ABCC4: variants seen among roughly 807,000 people sequenced by gnomAD.
ABCC4 encodes ATP binding cassette subfamily C member 4 (PEL blood group), also known as ATP-binding cassette sub-family C member 4.
ABCC4 carries 102 observed loss-of-function variants against 168.5 expected under a neutral mutation model. That is an observed-to-expected ratio of 0.61 (90% CI 0.52 to 0.71). The LOEUF (loss-of-function observed/expected upper bound fraction) is 0.71, where lower values mean the gene tolerates loss of function less well. ABCC4 is among the 30% of genes least tolerant of loss of function. ABCC4 has a pLI of 0.00. For synonymous variants in ABCC4, 617 were observed against 590.7 expected (o/e 1.04, Z -0.65); for missense variants, 1,402 against 1,605.8 (o/e 0.87, Z 2.17).
intron 8 of ABCC4, among the ~76,000 whole-genome samples, chr13:95,201,522 A>AT (rs2038624675): frequency 6.6e-6 from 1 of 152,204 alleles, no homozygotes; most frequent in South Asian, 2.1e-4. Context: ...CCTGCAATCT[A>AT]TACGTAATAT....
intron 19 of ABCC4, among the ~76,000 whole-genome samples, chr13:95,141,871 G>A (rs1221766895): frequency 1.3e-5 from 2 of 152,190 alleles, no homozygotes; most frequent in Admixed American, 6.5e-5. Context: ...GAGTGGCTGG[G>A]ACTACAGGTG....
intron 20 of ABCC4, among the ~76,000 whole-genome samples, chr13:95,113,452 G>A (rs1419226355): frequency 1.3e-5 from 2 of 151,766 alleles, no homozygotes; most frequent in Non-Finnish European, 2.9e-5. Flanking sequence ...TGGAAAATTA[G>A]TTTTCATTCT....
intron 4 of ABCC4, among the ~76,000 whole-genome samples, chr13:95,219,986 G>C (rs544636318): frequency 1.2e-3 from 184 of 150,612 alleles, no homozygotes; most frequent in African/African-American, 4.3e-3. Flanking sequence ...CTCCCAAGTA[G>C]CTGGGATTAC....
chr13:95,207,941 C>T lies in ABCC4; in HGVS notation c.786-16G>A, dbSNP rs966051189. 2 of 1,610,992 alleles carry T rather than the reference C, an allele frequency of 1.2e-6. No individual in the cohort carries two copies. Among genetic ancestry groups the T allele is most frequent in the African/African-American group, 1.3e-5 (1 of 74,602 alleles). ...AGTTTTACTCCTAAGGGGAACCAGACACGGGAGATGAGCCTGAGCGATCAC... is the reference window on the plus strand; with the variant it reads ...AGTTTTACTCCTAAGGGGAACCAGATACGGGAGATGAGCCTGAGCGATCAC... On this transcript the variant is annotated splice_polypyrimidine_tract_variant and intron_variant, in intron 6 of 30. Coordinates refer to ENST00000645237, the MANE Select transcript of ABCC4 (RefSeq NM_005845.5).
intron 4 of ABCC4, among the ~76,000 whole-genome samples, chr13:95,227,727 A>G (rs2039504419): frequency 6.6e-6 from 1 of 152,104 alleles, no homozygotes; most frequent in Non-Finnish European, 1.5e-5. Context: ...TCTTTTTTTT[A>G]AAGAAGAGTC....
chr13:95,077,059 G>A (rs1211502669), intron 21 of ABCC4, among the ~76,000 whole-genome samples: 4 of 152,188 alleles, frequency 2.6e-5, no homozygotes, highest in Non-Finnish European at 4.4e-5. Context: ...ATGACTACCA[G>A]GACATACCTC....
rs141417140 is a variant in ABCC4, at chr13:95,194,907, G to A, written c.1192C>T (p.Arg398Cys). 89 of 1,614,072 alleles carry A rather than the reference G, an allele frequency of 5.5e-5. No individual in the cohort carries two copies. The African/African-American group carries it at 9.9e-4, about 18-fold the overall frequency. ...CCATCTGACGGCAGCTGACGGTTGC[G>A]CTGTGATATCTCATCAAGTAGCAAA... is the stretch of plus-strand genomic sequence containing the variant. ...TFLLLDEISQ[R>C]NRQLPSDGKK... is the part of the protein sequence containing the mutation. The change falls in exon 9 of 31, where the codon CGC (arginine) becomes TGC (cysteine). Residue 398 changes from arginine (R) to cysteine (C), a missense_variant. By Grantham distance (180) the Arg-to-Cys change is radical. Transcript: ENST00000645237.
chr13:95,072,227 G>A (rs889563137), intron 24 of ABCC4, among the ~76,000 whole-genome samples: 24 of 152,194 alleles, frequency 1.6e-4, no homozygotes, highest in African/African-American at 5.3e-4. Context: ...TTGGGAGGCC[G>A]GGGCAGGTGG....
At chr13:95,095,775 A>C (rs1435073344) in intron 20 of ABCC4, 2 of 174,816 alleles carry the variant, frequency 1.1e-5, no homozygotes, top group African/African-American at 4.7e-5. Context: ...AAAGGAAAAG[A>C]TTGATAAGTA....
intron 4 of ABCC4, among the ~76,000 whole-genome samples, chr13:95,229,011 T>A (rs1185622756): frequency 6.6e-6 from 1 of 152,180 alleles, no homozygotes; most frequent in African/African-American, 2.4e-5. Flanking sequence ...GAACTCTGGA[T>A]GGAGCATCCA....
chr13:95,244,601 GAAA>G (rs2040039292), intron 3 of ABCC4, among the ~76,000 whole-genome samples: 1 of 16,140 alleles, frequency 6.2e-5, no homozygotes, highest in Admixed American at 6.6e-4. Context: ...TAACATGAAA[GAAA>G]GAAAGAAAGA....
At chr13:95,088,047 C>T (rs150332118) in intron 20 of ABCC4, among the ~76,000 whole-genome samples, 5 of 152,278 alleles carry the variant, frequency 3.3e-5, no homozygotes, top group East Asian at 1.9e-4. Context: ...TGACATCCAG[C>T]GCTGGTACCT....
chr13:95,068,201 G>A (rs1182060851), intron 25 of ABCC4, among the ~76,000 whole-genome samples: 1 of 152,174 alleles, frequency 6.6e-6, no homozygotes, highest in East Asian at 1.9e-4. Flanking sequence ...GAGATCCTGG[G>A]GCTGCAGGCA....
At chr13:95,029,050 C>T (rs1196308871) in intron 30 of ABCC4, among the ~76,000 whole-genome samples, 7 of 151,422 alleles carry the variant, frequency 4.6e-5, no homozygotes, top group Admixed American at 2.0e-4. Flanking sequence ...CGCCTGTAAT[C>T]CCAGCTACTC....
rs565966626 is a variant in ABCC4, at chr13:95,127,481, T to A, written c.2456-11480A>T. ...TTTTTAGAGACGAGGTTTCTCCATG[T>A]TGGCCAGGCTGGTCTCGAACTCCTG... On this transcript the variant is annotated intron_variant, in intron 19 of 30. Coordinates refer to ENST00000645237, the MANE Select transcript of ABCC4 (RefSeq NM_005845.5). Among the ~76,000 whole-genome samples the A allele has an allele frequency of 2.6e-5, 4 of 152,248 alleles. No individual in the cohort carries two copies. In the South Asian group the frequency reaches 8.3e-4, roughly 32 times the overall value.
chr13:95,026,663 A>T (rs1391218406), intron 30 of ABCC4, among the ~76,000 whole-genome samples: 1 of 152,128 alleles, frequency 6.6e-6, no homozygotes, highest in African/African-American at 2.4e-5. Flanking sequence ...CCAAGGTGGG[A>T]TGATGGTTTA....
intron 25 of ABCC4, among the ~76,000 whole-genome samples, chr13:95,069,574 C>T (rs143843600): frequency 6.6e-6 from 1 of 152,144 alleles, no homozygotes; most frequent in African/African-American, 2.4e-5. Context: ...CTCCATTTAT[C>T]TTGTAAAACT....
chr13:95,258,183 C>A (rs571886226), intron 1 of ABCC4, among the ~76,000 whole-genome samples: 3 of 152,168 alleles, frequency 2.0e-5, no homozygotes, highest in African/African-American at 7.2e-5. Flanking sequence ...CCCTTGGTTT[C>A]CCTGTGATCT....
chr13:95,300,118 C>A (rs553054953), intron 1 of ABCC4, among the ~76,000 whole-genome samples: 1 of 152,310 alleles, frequency 6.6e-6, no homozygotes, highest in Admixed American at 6.5e-5. Flanking sequence ...GGGATACAGG[C>A]GTGAGCCACC....
Sources: gnomAD v4.1 joint callset for allele counts (sites outside exome capture counted in the v4.1 genomes callset) on GRCh38, gnomAD v4.1.1 for gene constraint, MANE v1.5 for transcripts, NCBI Gene and HGNC (gene_info 2026-07-23, HGNC 2026-07-21) for gene names.